The following APOL3 variants were observed in gnomAD, a reference collection of about 807,000 sequenced individuals.
APOL3 encodes apolipoprotein L3.
A neutral mutation model predicts 11.6 loss-of-function variants in APOL3; 14 were observed. The ratio of observed to expected loss-of-function variants is 1.21; its 90% CI spans 0.80 to 1.89. The LOEUF (loss-of-function observed/expected upper bound fraction) is 1.89. Ranked by LOEUF, APOL3 falls within the 40% of genes most tolerant of loss-of-function variation. The pLI is 0.00. For missense variants in APOL3, 483 were observed against 492.1 expected (o/e 0.98, Z 0.17); for synonymous variants, 192 against 190.6 (o/e 1.01, Z -0.06).
Position 36,141,279 on chromosome 22 carries a change from C to G in APOL3, c.1130G>C (p.Arg377Pro). Residue 377 changes from arginine (R) to proline (P), a missense_variant, in exon 3 of 3, where the codon CGG becomes CCG. Coordinates refer to ENST00000349314, the Ensembl canonical transcript of APOL3. ...ATTCTCCTCCAGCTCCTGAGCCTGC[C>G]GCCTCAGCTCCTCAGCAGATGCAGA... is the stretch of plus-strand genomic sequence containing the variant. 5.6e-6 allele frequency: 9 copies of G among 1,614,158 alleles called. No individual in the cohort carries two copies. The South Asian group carries it at 9.9e-5, about 18-fold the overall frequency.
At position 36,141,130 on chromosome 22, in the gene APOL3, A is replaced by C. The variant is rs111344740; in HGVS notation, c.*70T>G. On this transcript the variant is annotated 3_prime_UTR_variant, in exon 3 of 3. Coordinates refer to ENST00000349314, the Ensembl canonical transcript of APOL3. ...TTTACCTTGCCCTCTTTATCCCCCT[A>C]ATAAAATGCCTGCATTTTGTCGTGG... 6.5e-6 allele frequency: 10 copies of C among 1,545,344 alleles called. No homozygotes were observed. The African/African-American group carries it at 6.9e-5, about 11-fold the overall frequency.
intron 1 of APOL3, chr22:36,155,717 C>A: frequency 6.2e-6 from 1 of 161,450 alleles, no homozygotes; most frequent in South Asian, 1.7e-4. Flanking sequence ...GCTGGGGCCT[C>A]AGACCACACC....
chr22:36,160,539 T>C (rs1470756402), intron 1 of APOL3, 130 bp downstream of exon 1: 44 of 938,848 alleles, frequency 4.7e-5, no homozygotes, highest in Non-Finnish European at 6.2e-5. Context: ...GGCTCTGCCA[T>C]GGACCGAGAT....
chr22:36,149,885 C>T (rs2060367747), intron 1 of APOL3: 1 of 456,178 alleles, frequency 2.2e-6, no homozygotes, highest in African/African-American at 2.0e-5. Context: ...CCCCTTGCTT[C>T]TGCCTGTATG....
intron 1 of APOL3, among the ~76,000 whole-genome samples, chr22:36,145,964 C>CCCTCCCTG (rs2060188188): frequency 7.5e-6 from 1 of 133,328 alleles, no homozygotes; most frequent in Admixed American, 8.2e-5. Context: ...TTCCAGCCCT[C>CCCTCCCTG]TCTCCCTGTC....
intron 1 of APOL3, among the ~76,000 whole-genome samples, chr22:36,156,525 C>T (rs1453016207): frequency 6.6e-6 from 1 of 152,160 alleles, no homozygotes; most frequent in African/African-American, 2.4e-5. Flanking sequence ...CACACTGACG[C>T]CCTGCTTCCC....
At chr22:36,163,265 G>A (rs536485834), upstream of APOL3, among the ~76,000 whole-genome samples, 2 of 152,174 alleles carry the variant, frequency 1.3e-5, no homozygotes, top group Non-Finnish European at 2.9e-5. Flanking sequence ...CTGATTAAGA[G>A]AGCCGATTGG....
intron 1 of APOL3, chr22:36,153,387 C>T (rs1432913854): frequency 2.2e-6 from 1 of 456,152 alleles, no homozygotes; most frequent in Non-Finnish European, 4.4e-6. Context: ...GGAGAAATGT[C>T]AGCTTCAGAG....
At chr22:36,162,476 C>T (rs1326059894), upstream of APOL3, among the ~76,000 whole-genome samples, 1 of 152,144 alleles carries the variant, frequency 6.6e-6, no homozygotes, top group African/African-American at 2.4e-5. Flanking sequence ...CATGCATTGC[C>T]TAATTTTAGT....
rs763488684 is a variant in APOL3 at position 36,141,803 on chromosome 22, G to A, written c.606C>T (p.Ser202=). 5 of 1,614,216 alleles carry A rather than the reference G, an allele frequency of 3.1e-6. No individual in the cohort carries two copies. The South Asian group carries it at 5.5e-5, about 18-fold the overall frequency. Residue 202 remains serine, a synonymous_variant, in exon 3 of 3, where the codon TCC becomes TCT. Transcript: ENST00000349314. ...ATGGTGCCAAAACAAGACCAGCAAG[G>A]GACATGATGCCAGAGGCAGCGCCAG...
intron 1 of APOL3, among the ~76,000 whole-genome samples, chr22:36,150,654 A>G (rs556520959): frequency 6.6e-6 from 1 of 152,322 alleles, no homozygotes; most frequent in Non-Finnish European, 1.5e-5. Flanking sequence ...GTGGATCACG[A>G]GGTCAGGAGA....
At chr22:36,149,459 G>C in intron 1 of APOL3, 1 of 1,176,486 alleles carries the variant, frequency 8.5e-7, no homozygotes, top group Non-Finnish European at 1.1e-6. Flanking sequence ...CCGAAATAGA[G>C]ATGGGAAGGA....
chr22:36,149,843 A>G, intron 1 of APOL3: 1 of 456,196 alleles, frequency 2.2e-6, no homozygotes, highest in Non-Finnish European at 4.4e-6. Flanking sequence ...GTCTTGGTGA[A>G]TTCACTGGTG....
chr22:36,148,903 TG>T, intron 1 of APOL3, 142 bp downstream of exon 2: 1 of 765,396 alleles, frequency 1.3e-6, no homozygotes, highest in Non-Finnish European at 2.1e-6. Context: ...GGACTCCATG[TG>T]GCCTCTTTTG....
At chr22:36,164,749 A>C (rs1268445599), upstream of APOL3, 1 of 152,174 alleles carries the variant, frequency 6.6e-6, no homozygotes, top group Non-Finnish European at 1.5e-5. Flanking sequence ...CAGTCTCACA[A>C]CTTCGGGCAA....
At chr22:36,154,380 C>T (rs1260305009) in intron 1 of APOL3, 1 of 328,414 alleles carries the variant, frequency 3.0e-6, no homozygotes, top group Non-Finnish European at 6.0e-6. Flanking sequence ...TTGATACTAA[C>T]ATTCAAGTGA....
At chr22:36,155,269 C>T (rs1027520965) in intron 1 of APOL3, among the ~76,000 whole-genome samples, 4 of 152,232 alleles carry the variant, frequency 2.6e-5, no homozygotes, top group African/African-American at 9.6e-5. Flanking sequence ...TCTGTTTCAG[C>T]TGGCTCCCAG....
upstream of APOL3, among the ~76,000 whole-genome samples, chr22:36,163,392 C>G (rs1380162347): frequency 6.6e-6 from 1 of 152,212 alleles, no homozygotes; most frequent in Non-Finnish European, 1.5e-5. Context: ...TCGTCCTCGC[C>G]CACCCTTTTG....
chr22:36,162,468 T>C (rs969815482), upstream of APOL3, among the ~76,000 whole-genome samples: 32 of 152,292 alleles, frequency 2.1e-4, no homozygotes, highest in African/African-American at 7.7e-4. Flanking sequence ...GGTAAAAACA[T>C]GCATTGCCTA....
Sources: gnomAD v4.1 joint callset for allele counts (sites outside exome capture counted in the v4.1 genomes callset) on GRCh38, gnomAD v4.1.1 for gene constraint, MANE v1.5 for transcripts, NCBI Gene and HGNC (gene_info 2026-07-23, HGNC 2026-07-21) for gene names.